The following SMTNL2 variants were observed in gnomAD, a reference collection of about 807,000 sequenced individuals.
SMTNL2 encodes the protein smoothelin like 2, also known as smoothelin-like protein 2.
SMTNL2 carries 43 observed loss-of-function variants against 44.1 expected under a neutral mutation model. The ratio of observed to expected loss-of-function variants is 0.98; its 90% CI spans 0.76 to 1.26. The LOEUF is 1.26. SMTNL2 is among the 50% of genes most tolerant of loss of function. SMTNL2 has a pLI of 0.00. For synonymous variants in SMTNL2, 317 were observed against 287.6 expected (o/e 1.10, Z -1.03); for missense variants, 646 against 670.2 (o/e 0.96, Z 0.40).
At chr17:4,593,298 G>A in intron 3 of SMTNL2, 127 bp downstream of exon 3, 2 of 1,350,062 alleles carry the variant, frequency 1.5e-6, no homozygotes, top group Non-Finnish European at 2.0e-6. Context: ...CCCTGCCTCT[G>A]CCTGCCATGT....
chr17:4,584,027 G>C (rs1170962053), upstream of SMTNL2: 1 of 152,334 alleles, frequency 6.6e-6, no homozygotes, highest in Non-Finnish European at 1.5e-5. Context: ...AGTCAGGGAG[G>C]GGACCTCACC....
At position 4,607,347 on chromosome 17, in the gene SMTNL2, C is replaced by T; in HGVS notation, c.1260-14C>T. 1.9e-6 allele frequency: 3 copies of T among 1,613,862 alleles called. No individual in the cohort carries two copies. Among genetic ancestry groups the T allele is most frequent in the Non-Finnish European group, 2.5e-6 (3 of 1,179,946 alleles). ...GGCTGGGACCACCGTTCTGACGGGG[C>T]TTGTGTGTTTCAGGAATCTGGCCAA... On this transcript the variant is annotated splice_polypyrimidine_tract_variant and intron_variant, in intron 7 of 7. Transcript: ENST00000389313. The surrounding 1 kb of genome is among the most constrained non-coding windows in gnomAD (Gnocchi z 4.7).
intron 7 of SMTNL2, among the ~76,000 whole-genome samples, chr17:4,603,191 A>G (rs1000750810): frequency 2.6e-5 from 4 of 152,106 alleles, no homozygotes; most frequent in Non-Finnish European, 5.9e-5. Flanking sequence ...AAATGCCGGC[A>G]ATTCTGAGGG....
Position 4,598,178 on chromosome 17 carries a change from G to C in SMTNL2, c.1259+855G>C, listed in dbSNP as rs1278141904. On this transcript the variant is annotated intron_variant, in intron 7 of 7. Coordinates refer to ENST00000389313, the MANE Select transcript of SMTNL2 (RefSeq NM_001114974.2). This position sits in a 1 kb window ranked among gnomAD's most constrained non-coding sequence, Gnocchi z 4.8. ...TTGGGCAAATGGTTGCAGTCAGCTC[G>C]CTGCGACCTGGCAGGGAGGGAGCTG... 6.6e-6 allele frequency among the ~76,000 whole-genome samples: 1 copy of C among 152,168 alleles called. No homozygotes were observed. The highest frequency in any genetic ancestry group is 1.5e-5 in the Non-Finnish European group (1 of 68,034).
At position 4,600,413 on chromosome 17, in the gene SMTNL2, A is replaced by G. The variant is rs1159187755; in HGVS notation, c.1259+3090A>G. Among the ~76,000 whole-genome samples the G allele has an allele frequency of 6.6e-6, 1 of 152,178 alleles. No individual in the cohort carries two copies. Among genetic ancestry groups the G allele is most frequent in the Non-Finnish European group, 1.5e-5 (1 of 68,024 alleles). On this transcript the variant is annotated intron_variant, in intron 7 of 7. Transcript: ENST00000389313. This position sits in a 1 kb window ranked among gnomAD's most constrained non-coding sequence, Gnocchi z 4.7. ...GAGGAGCCTGGGGTCTGACAAGACAACTTCTGGAAGGGAAAGGAGGACACA... is the reference window on the plus strand; with the variant it reads ...GAGGAGCCTGGGGTCTGACAAGACAGCTTCTGGAAGGGAAAGGAGGACACA...
chr17:4,595,283 GA>G lies in SMTNL2; in HGVS notation c.948del (p.Ala317HisfsTer23), dbSNP rs773041348. On this transcript the variant is annotated frameshift_variant, in exon 5 of 8. Coordinates refer to ENST00000389313, the MANE Select transcript of SMTNL2 (RefSeq NM_001114974.2). LOFTEE classifies it high-confidence loss of function. This position sits in a 1 kb window ranked among gnomAD's most constrained non-coding sequence, Gnocchi z 5.1. ...LPRTSEAQAR[K>X]ALFEKWEQET... ...CCCGCACCTCGGAGGCGCAGGCCCGGAAAGCATTGTTTGAGAAGTGGGAGCA... is the reference window on the plus strand; with the variant it reads ...CCCGCACCTCGGAGGCGCAGGCCCGGAAGCATTGTTTGAGAAGTGGGAGCA... 6.2e-7 allele frequency: 1 copy of G among 1,613,250 alleles called. No homozygotes were observed. Among genetic ancestry groups the G allele is most frequent in the South Asian group, 1.1e-5 (1 of 91,046 alleles).
At position 4,600,573 on chromosome 17, in the gene SMTNL2, C is replaced by T. The variant is rs575831311; in HGVS notation, c.1259+3250C>T. Among the ~76,000 whole-genome samples the T allele has an allele frequency of 2.3e-4, 35 of 152,276 alleles. No homozygotes were observed. Among genetic ancestry groups the T allele is most frequent in the African/African-American group, 7.2e-4 (30 of 41,544 alleles). On this transcript the variant is annotated intron_variant, in intron 7 of 7. Transcript: ENST00000389313. This position sits in a 1 kb window ranked among gnomAD's most constrained non-coding sequence, Gnocchi z 4.7. Reference sequence around the variant, plus strand: ...GGTGTGTGCTGCCCTTCCCCAACCCCCACCTGATAATTTATGGTCCCAGAG... The same window carrying T: ...GGTGTGTGCTGCCCTTCCCCAACCCTCACCTGATAATTTATGGTCCCAGAG...
chr17:4,606,708 C>T (rs1368509771), intron 7 of SMTNL2, among the ~76,000 whole-genome samples: 1 of 151,652 alleles, frequency 6.6e-6, no homozygotes, highest in Non-Finnish European at 1.5e-5. Flanking sequence ...AGATCGAGAC[C>T]AGCCTGGCCA....
At position 4,598,695 on chromosome 17, in the gene SMTNL2, G is replaced by A. The variant is rs1020364634; in HGVS notation, c.1259+1372G>A. 6.6e-6 allele frequency among the ~76,000 whole-genome samples: 1 copy of A among 152,162 alleles called. No homozygotes were observed. Among genetic ancestry groups the A allele is most frequent in the African/African-American group, 2.4e-5 (1 of 41,428 alleles). On this transcript the variant is annotated intron_variant, in intron 7 of 7. Coordinates refer to ENST00000389313, the MANE Select transcript of SMTNL2 (RefSeq NM_001114974.2). The surrounding 1 kb of genome is among the most constrained non-coding windows in gnomAD (Gnocchi z 4.8). ...AAAAATTAGCCAGGCATGGTGGCAGGCGCCTGGAGTCCCAGCTACTCAGGA... is the reference window on the plus strand; with the variant it reads ...AAAAATTAGCCAGGCATGGTGGCAGACGCCTGGAGTCCCAGCTACTCAGGA...
chr17:4,594,978 G>A, intron 4 of SMTNL2, 167 bp from the exon 5 acceptor site: 1 of 898,714 alleles, frequency 1.1e-6, no homozygotes, highest in Non-Finnish European at 1.7e-6. Flanking sequence ...GCACAATTCA[G>A]AAAACCTGTC....
At chr17:4,591,985 C>T (rs547935899) in intron 1 of SMTNL2, among the ~76,000 whole-genome samples, 8 of 152,346 alleles carry the variant, frequency 5.3e-5, no homozygotes, top group East Asian at 1.9e-4. Flanking sequence ...GTAGCCATGC[C>T]GACCTGGCCC....
chr17:4,592,806 T>C lies in SMTNL2; in HGVS notation c.488-123T>C. 7.4e-7 allele frequency: 1 copy of C among 1,349,732 alleles called. No homozygotes were observed. Among genetic ancestry groups the C allele is most frequent in the Non-Finnish European group, 1.0e-6 (1 of 997,762 alleles). The allele number at this position is 1,349,732 out of a possible 1,614,324, so 83.6% of individuals were successfully genotyped here. A position where few individuals can be genotyped will look rare whatever the true frequency, so the allele number is the denominator to read the frequency against. On this transcript the variant is annotated intron_variant, in intron 2 of 7. Transcript: ENST00000389313. This position sits in a 1 kb window ranked among gnomAD's most constrained non-coding sequence, Gnocchi z 4.5. Reference sequence around the variant, plus strand: ...GGGGAGGTCAGAGAGGCTGGAGCAGTCAGGGAGGCCTTCCTAGAGGAGGTG... The same window carrying C: ...GGGGAGGTCAGAGAGGCTGGAGCAGCCAGGGAGGCCTTCCTAGAGGAGGTG...
In SMTNL2 at chr17:4,592,557, T is replaced by C. The variant is rs1031476301; in HGVS notation, c.487+109T>C. ...CCTTGGCCTGGCATCGGGGGGACTC[T>C]ATCCTGAACCCCAGCAGGGAGAGAG... On this transcript the variant is annotated intron_variant, in intron 2 of 7. Transcript: ENST00000389313. The surrounding 1 kb of genome is among the most constrained non-coding windows in gnomAD (Gnocchi z 4.5). 6 of 998,146 alleles carry C rather than the reference T, an allele frequency of 6.0e-6. No homozygotes were observed. Among genetic ancestry groups the C allele is most frequent in the Non-Finnish European group, 4.4e-6 (3 of 683,010 alleles). The allele number at this position is 998,146 out of a possible 1,614,324, so 61.8% of individuals were successfully genotyped here.
In SMTNL2 at chr17:4,584,764, C is replaced by A; in HGVS notation, c.159C>A (p.Ala53=). ...ERRVAEAMRL[A]GPLARTVADL... ...GAGTGGCAGAGGCGATGCGCCTGGC[C>A]GGCCCCCTGGCGCGCACGGTGGCCG... Residue 53 remains alanine, a synonymous_variant, in exon 1 of 8, where the codon GCC becomes GCA. Coordinates refer to ENST00000389313, the MANE Select transcript of SMTNL2 (RefSeq NM_001114974.2). The A allele has an allele frequency of 7.6e-7, 1 of 1,308,146 alleles. No individual in the cohort carries two copies. The highest frequency in any genetic ancestry group is 9.7e-7 in the Non-Finnish European group (1 of 1,031,942). 81.0% of individuals were successfully genotyped at this position (1,308,146 alleles called of 1,614,324 possible).
chr17:4,596,175 GC>G (rs1487920928), intron 5 of SMTNL2, among the ~76,000 whole-genome samples: 3 of 147,892 alleles, frequency 2.0e-5, no homozygotes, highest in East Asian at 4.2e-4. Context: ...CCTGCTGTGT[GC>G]AGGGTGTGGC....
Position 4,600,410 on chromosome 17 carries a change from A to G in SMTNL2, c.1259+3087A>G, listed in dbSNP as rs1374378230. 6.6e-6 allele frequency among the ~76,000 whole-genome samples: 1 copy of G among 152,152 alleles called. No homozygotes were observed. The highest frequency in any genetic ancestry group is 1.5e-5 in the Non-Finnish European group (1 of 68,022). The stretch of plus-strand genomic sequence containing the variant: ...TGAGAGGAGCCTGGGGTCTGACAAG[A>G]CAACTTCTGGAAGGGAAAGGAGGAC... On this transcript the variant is annotated intron_variant, in intron 7 of 7. Transcript: ENST00000389313. The surrounding 1 kb of genome is among the most constrained non-coding windows in gnomAD (Gnocchi z 4.7).
At position 4,584,531 on chromosome 17, in the gene SMTNL2, T is replaced by G. The variant is rs1470337049; in HGVS notation, c.-75T>G. 8.3e-7 allele frequency: 1 copy of G among 1,207,316 alleles called. No homozygotes were observed. The highest frequency in any genetic ancestry group is 4.4e-5 in the Admixed American group (1 of 22,834). 74.8% of individuals were successfully genotyped at this position (1,207,316 alleles called of 1,614,324 possible). A position where few individuals can be genotyped will look rare whatever the true frequency, so the allele number is the denominator to read the frequency against. On this transcript the variant is annotated 5_prime_UTR_variant, in exon 1 of 8. Coordinates refer to ENST00000389313, the MANE Select transcript of SMTNL2 (RefSeq NM_001114974.2). ...AGCGAAGCCAGCCACGGACGGCCAG[T>G]CGCGGCCCGGAGCTGCGGAGCTCGG...
intron 7 of SMTNL2, among the ~76,000 whole-genome samples, chr17:4,602,410 C>T (rs944250398): frequency 6.7e-6 from 1 of 148,496 alleles, no homozygotes; most frequent in Admixed American, 6.8e-5. Context: ...GCAACTTCCA[C>T]CTCCTGGATT....
chr17:4,592,935 G>A lies in SMTNL2; in HGVS notation c.494G>A (p.Gly165Asp). The A allele has an allele frequency of 6.2e-7, 1 of 1,611,308 alleles. No individual in the cohort carries two copies. Among genetic ancestry groups the A allele is most frequent in the Non-Finnish European group, 8.5e-7 (1 of 1,178,022 alleles). ...ENGHQPGAGP[G>D]DGPPEIAQNF... ...TGCTGGTCACATGTTCCAGGTCCAG[G>A]CGATGGACCCCCTGAGATTGCCCAA... Residue 165 changes from glycine (G) to aspartate (D), a missense_variant, in exon 3 of 8, where the codon GGC (glycine) becomes GAC (aspartate). Gly to Asp is a moderately conservative substitution (Grantham distance 94). Coordinates refer to ENST00000389313, the MANE Select transcript of SMTNL2 (RefSeq NM_001114974.2). This position sits in a 1 kb window ranked among gnomAD's most constrained non-coding sequence, Gnocchi z 4.5.
Sources: allele counts gnomAD v4.1 joint callset (sites outside exome capture counted in the v4.1 genomes callset), GRCh38; gene constraint gnomAD v4.1.1; non-coding constraint Gnocchi (gnomAD v3.1); transcripts MANE v1.5; gene names NCBI Gene and HGNC (gene_info 2026-07-23, HGNC 2026-07-21).